The following CCDC73 variants were observed in gnomAD, a reference collection of about 807,000 sequenced individuals.
CCDC73 encodes coiled-coil domain containing 73.
In CCDC73, 95 loss-of-function variants were observed where a neutral mutation model predicts 116.5. The observed-to-expected ratio is 0.82, with a 90% CI of 0.69 to 0.97. The LOEUF (loss-of-function observed/expected upper bound fraction) is 0.97, where lower values mean the gene tolerates loss of function less well. Among genes scored for constraint, CCDC73 ranks in the 50% least tolerant of loss-of-function variants. CCDC73 has a pLI of 0.00. For synonymous variants in CCDC73, 398 were observed against 401.3 expected (o/e 0.99, Z 0.10); for missense variants, 1,066 against 1,206.8 (o/e 0.88, Z 1.73).
At chr11:32,667,515 C>T (rs889519048) in intron 9 of CCDC73, among the ~76,000 whole-genome samples, 10 of 152,122 alleles carry the variant, frequency 6.6e-5, no homozygotes, top group Admixed American at 2.6e-4. Flanking sequence ...ATTGGAAAAG[C>T]GCAGTATTAG....
At chr11:32,820,450 T>C in the CCDC73 span, among the ~76,000 whole-genome samples, 6 of 152,146 alleles carry the variant, frequency 3.9e-5, no homozygotes, top group Non-Finnish European at 1.5e-5. Flanking sequence ...GCCACCACAC[T>C]CATCCTTAAC....
chr11:32,808,198 T>A, the CCDC73 span, among the ~76,000 whole-genome samples: 3 of 151,900 alleles, frequency 2.0e-5, no homozygotes, highest in Non-Finnish European at 4.4e-5. Context: ...GGAATAGATG[T>A]GTGGGAGAAA....
upstream of CCDC73, among the ~76,000 whole-genome samples, chr11:32,796,944 A>C (rs1019384236): frequency 6.9e-5 from 10 of 143,982 alleles, no homozygotes; most frequent in African/African-American, 2.6e-4. Context: ...CCCAGGAGGC[A>C]GAGGTTGCAG....
chr11:32,621,908 G>T (rs1855525907), intron 14 of CCDC73, among the ~76,000 whole-genome samples: 1 of 152,144 alleles, frequency 6.6e-6, no homozygotes, highest in Non-Finnish European at 1.5e-5. Context: ...ATATGAAAAA[G>T]AGTTCAACAT....
intron 1 of CCDC73, among the ~76,000 whole-genome samples, chr11:32,772,633 C>T (rs566363734): frequency 1.3e-5 from 2 of 152,230 alleles, no homozygotes; most frequent in African/African-American, 4.8e-5. Context: ...TTACAAGTTA[C>T]TTTCAACAGG....
intron 1 of CCDC73, among the ~76,000 whole-genome samples, chr11:32,783,163 G>C (rs972944593): frequency 1.3e-5 from 2 of 149,136 alleles, no homozygotes; most frequent in African/African-American, 4.9e-5. Flanking sequence ...CTTCCAGAAA[G>C]GAAAAAAAAA....
chr11:32,753,864 G>A (rs560360595), intron 2 of CCDC73, among the ~76,000 whole-genome samples: 5 of 151,648 alleles, frequency 3.3e-5, no homozygotes, highest in East Asian at 1.9e-4. Flanking sequence ...CTCCCACCTC[G>A]GCCTACCAAA....
chr11:32,727,836 C>T (rs1293592537), intron 2 of CCDC73, among the ~76,000 whole-genome samples: 1 of 152,132 alleles, frequency 6.6e-6, no homozygotes, highest in East Asian at 1.9e-4. Context: ...TCCCAAAGTG[C>T]TGGGATTACA....
At chr11:32,682,079 A>C (rs1187325029) in intron 7 of CCDC73, 1 of 151,918 alleles carries the variant, frequency 6.6e-6, no homozygotes, top group Admixed American at 6.6e-5. Context: ...CTTAGAAGTG[A>C]CCAAAAACTA....
At chr11:32,659,990 C>T (rs954467259) in intron 9 of CCDC73, among the ~76,000 whole-genome samples, 2 of 151,990 alleles carry the variant, frequency 1.3e-5, no homozygotes, top group African/African-American at 4.8e-5. Flanking sequence ...CAAACACTGC[C>T]ATGAGGAATA....
the CCDC73 span, among the ~76,000 whole-genome samples, chr11:32,814,265 G>C: frequency 6.6e-6 from 1 of 152,226 alleles, no homozygotes; most frequent in Admixed American, 6.5e-5. Context: ...GACAGTGGAA[G>C]ATGGTGAACA....
chr11:32,684,947 C>T (rs1009777737), intron 6 of CCDC73, among the ~76,000 whole-genome samples: 8 of 152,002 alleles, frequency 5.3e-5, no homozygotes, highest in African/African-American at 1.9e-4. Context: ...CGCCAGTGCA[C>T]TCCAGCCTGA....
chr11:32,806,903 A>G, the CCDC73 span, among the ~76,000 whole-genome samples: 8 of 152,166 alleles, frequency 5.3e-5, no homozygotes, highest in East Asian at 1.2e-3. Context: ...CACTGCTACT[A>G]TGGGTCTGAG....
chr11:32,678,746 G>A (rs1357457606), intron 7 of CCDC73, among the ~76,000 whole-genome samples: 1 of 151,886 alleles, frequency 6.6e-6, no homozygotes, highest in Non-Finnish European at 1.5e-5. Flanking sequence ...AGCCAGGCAT[G>A]GTGGCACACA....
At chr11:32,818,691 G>A in the CCDC73 span, among the ~76,000 whole-genome samples, 2 of 152,054 alleles carry the variant, frequency 1.3e-5, no homozygotes, top group Non-Finnish European at 2.9e-5. Flanking sequence ...TGAACAAAAC[G>A]CCGTATATCC....
At chr11:32,668,284 A>T (rs1856006216) in intron 9 of CCDC73, among the ~76,000 whole-genome samples, 2 of 152,174 alleles carry the variant, frequency 1.3e-5, no homozygotes. Flanking sequence ...TAAATAATTA[A>T]GATTAATTAT....
chr11:32,661,156 A>G (rs1855918929), intron 9 of CCDC73, among the ~76,000 whole-genome samples: 1 of 152,198 alleles, frequency 6.6e-6, no homozygotes, highest in African/African-American at 2.4e-5. Context: ...AATACCTTCA[A>G]GGTGGTGACA....
chr11:32,699,776 T>G (rs1215923456), intron 5 of CCDC73, among the ~76,000 whole-genome samples: 1 of 152,008 alleles, frequency 6.6e-6, no homozygotes, highest in East Asian at 1.9e-4. Flanking sequence ...ATATACCTAA[T>G]GTTAATGACG....
At chr11:32,689,346 T>G (rs1272150029) in intron 6 of CCDC73, among the ~76,000 whole-genome samples, 1 of 151,968 alleles carries the variant, frequency 6.6e-6, no homozygotes, top group Non-Finnish European at 1.5e-5. Context: ...ATTCCACAAG[T>G]TCATCAGAAA....
Sources: allele counts gnomAD v4.1 joint callset (sites outside exome capture counted in the v4.1 genomes callset), GRCh38; gene constraint gnomAD v4.1.1; transcripts MANE v1.5; gene names NCBI Gene and HGNC (gene_info 2026-07-23, HGNC 2026-07-21).